SLC12A8: variants seen among roughly 807,000 people sequenced by gnomAD.
SLC12A8 encodes cation-chloride cotransporter 9.
Under a neutral mutation model 75.6 loss-of-function variants are expected in SLC12A8, and 69 were observed. The ratio of observed to expected loss-of-function variants is 0.91; its 90% CI spans 0.75 to 1.11. The LOEUF is 1.11. SLC12A8 is among the 50% of genes most tolerant of loss of function. SLC12A8 has a pLI of 0.00. For missense variants in SLC12A8, 877 were observed against 896.7 expected, an observed-to-expected ratio of 0.98 and a Z score of 0.28; for synonymous variants, 365 against 372.8, an observed-to-expected ratio of 0.98 and a Z score of 0.24.
chr3:125,100,379 G>C (rs1452749558), intron 10 of SLC12A8, among the ~76,000 whole-genome samples: 1 of 151,716 alleles, frequency 6.6e-6, no homozygotes, highest in Non-Finnish European at 1.5e-5. Context: ...AATTTTTATA[G>C]CTTAATAGAT....
chr3:125,128,230 G>C (rs1933260276), intron 6 of SLC12A8, among the ~76,000 whole-genome samples: 1 of 136,234 alleles, frequency 7.3e-6, no homozygotes, highest in Admixed American at 7.9e-5. Flanking sequence ...GCCCAGGCTG[G>C]AGTGCAGTGG....
chr3:125,176,470 C>T (rs183473334), intron 5 of SLC12A8, among the ~76,000 whole-genome samples: 65 of 152,260 alleles, frequency 4.3e-4, no homozygotes, highest in Middle Eastern at 6.8e-3. Flanking sequence ...CCAAAATTGA[C>T]AAATGGGATA....
chr3:125,093,003 G>A (rs146131497), intron 10 of SLC12A8, among the ~76,000 whole-genome samples: 43 of 152,100 alleles, frequency 2.8e-4, no homozygotes, highest in African/African-American at 9.9e-4. Context: ...CTACCTTTCC[G>A]AGTCTCCAAA....
intron 5 of SLC12A8, among the ~76,000 whole-genome samples, chr3:125,166,050 C>T (rs1466024556): frequency 6.6e-6 from 1 of 152,190 alleles, no homozygotes; most frequent in Non-Finnish European, 1.5e-5. Flanking sequence ...ATGGCTCTTT[C>T]CGCTTCCAAA....
At chr3:125,174,769 G>A (rs1385778266) in intron 5 of SLC12A8, among the ~76,000 whole-genome samples, 1 of 152,172 alleles carries the variant, frequency 6.6e-6, no homozygotes, top group African/African-American at 2.4e-5. Flanking sequence ...TCTGGAAAAG[G>A]CAAAACTATG....
chr3:125,190,447 C>G lies in SLC12A8; in HGVS notation c.126G>C (p.Trp42Cys). 6.2e-7 allele frequency: 1 copy of G among 1,614,196 alleles called. No individual in the cohort carries two copies. Among genetic ancestry groups the G allele is most frequent in the Non-Finnish European group, 8.5e-7 (1 of 1,180,042 alleles). The change falls in exon 3 of 14, where the codon TGG becomes TGC. Residue 42 changes from tryptophan to cysteine, a missense_variant. Transcript: ENST00000469902. ...FMWEPVLFGT[W>C]DGVFTSCMIN... ...TCATGCAGGATGTGAACACACCATC[C>G]CAGGTCCCAAACAGCACAGGCTCCC...
chr3:125,117,515 G>T (rs1281455529), intron 8 of SLC12A8, among the ~76,000 whole-genome samples: 7 of 151,884 alleles, frequency 4.6e-5, no homozygotes, highest in Admixed American at 2.6e-4. Context: ...AGAATCACCT[G>T]AGCCCTGGAA....
chr3:125,104,159 G>A (rs1296943292), intron 10 of SLC12A8, among the ~76,000 whole-genome samples: 1 of 152,128 alleles, frequency 6.6e-6, no homozygotes, highest in East Asian at 1.9e-4. Flanking sequence ...AGGCTGGAGT[G>A]CGGTGGAGTG....
intron 5 of SLC12A8, among the ~76,000 whole-genome samples, chr3:125,157,367 A>G (rs1934072032): frequency 1.3e-5 from 2 of 152,214 alleles, no homozygotes; most frequent in African/African-American, 2.4e-5. Context: ...ATAAGTGAAA[A>G]ATAACGGCTG....
chr3:125,125,429 C>T (rs904832417), intron 6 of SLC12A8, among the ~76,000 whole-genome samples: 1 of 152,010 alleles, frequency 6.6e-6, no homozygotes, highest in Non-Finnish European at 1.5e-5. Context: ...CATGGTGGCA[C>T]GCACCTGTAG....
chr3:125,203,221 G>GA lies in SLC12A8; in HGVS notation c.51+8077dup, dbSNP rs550101612. 3.5e-3 allele frequency among the ~76,000 whole-genome samples: 473 copies of GA among 135,616 alleles called. 1 individual carries two copies. The highest frequency in any genetic ancestry group is 4.1e-3 in the Non-Finnish European group (258 of 62,606). The allele number at this position is 135,616 out of a possible 152,430, so 89.0% of individuals were successfully genotyped here. A position where few individuals can be genotyped will look rare whatever the true frequency, so the allele number is the denominator to read the frequency against. Reference sequence around the variant, plus strand: ...ACCAATGACATTGTTCACATAAATAGAAAAAAAAAACCCTAAAATTTGTAT... The same window carrying GA: ...ACCAATGACATTGTTCACATAAATAGAAAAAAAAAAACCCTAAAATTTGTAT... On this transcript the variant is annotated intron_variant, in intron 2 of 13. Coordinates refer to ENST00000469902, the MANE Select transcript of SLC12A8 (RefSeq NM_024628.6).
At chr3:125,093,032 T>C (rs1938624953) in intron 10 of SLC12A8, among the ~76,000 whole-genome samples, 1 of 152,132 alleles carries the variant, frequency 6.6e-6, no homozygotes, top group Non-Finnish European at 1.5e-5. Flanking sequence ...CTCCACAATC[T>C]ATGTCAATGT....
intron 5 of SLC12A8, among the ~76,000 whole-genome samples, chr3:125,159,957 A>G (rs1934132482): frequency 6.6e-6 from 1 of 152,126 alleles, no homozygotes; most frequent in South Asian, 2.1e-4. Flanking sequence ...TACTGGTAAT[A>G]TTCTTTCTTT....
At chr3:125,182,145 C>G (rs1338814677) in intron 4 of SLC12A8, among the ~76,000 whole-genome samples, 2 of 152,248 alleles carry the variant, frequency 1.3e-5, no homozygotes, top group African/African-American at 4.8e-5. Context: ...GGTAACATGT[C>G]AAAACTTTGT....
intron 6 of SLC12A8, among the ~76,000 whole-genome samples, chr3:125,130,279 G>A: frequency 6.6e-6 from 1 of 152,120 alleles, no homozygotes; most frequent in South Asian, 2.1e-4. Context: ...GAGGCTTTTA[G>A]TATCATTATC....
chr3:125,200,859 T>C (rs1560085025), intron 2 of SLC12A8, among the ~76,000 whole-genome samples: 1 of 152,356 alleles, frequency 6.6e-6, no homozygotes, highest in South Asian at 2.1e-4. Flanking sequence ...AGACTCATGG[T>C]AGAGCAGGAA....
At chr3:125,130,578 C>T (rs1363332279) in intron 6 of SLC12A8, among the ~76,000 whole-genome samples, 3 of 145,634 alleles carry the variant, frequency 2.1e-5, no homozygotes, top group Non-Finnish European at 4.5e-5. Flanking sequence ...GGTGACAGAG[C>T]GAGACCCTGT....
intron 5 of SLC12A8, among the ~76,000 whole-genome samples, chr3:125,141,494 C>A (rs1002210755): frequency 6.6e-6 from 1 of 152,238 alleles, no homozygotes; most frequent in African/African-American, 2.4e-5. Flanking sequence ...CCTGGGTAGG[C>A]GGCTGCTAGG....
At chr3:125,145,890 C>T (rs894523566) in intron 5 of SLC12A8, among the ~76,000 whole-genome samples, 38 of 152,188 alleles carry the variant, frequency 2.5e-4, no homozygotes, top group Non-Finnish European at 8.8e-5. Context: ...TGCAGTGGCA[C>T]GATCACGGCT....
Sources: gnomAD v4.1 joint callset for allele counts (sites outside exome capture counted in the v4.1 genomes callset) on GRCh38, gnomAD v4.1.1 for gene constraint, MANE v1.5 for transcripts, NCBI Gene and HGNC (gene_info 2026-07-23, HGNC 2026-07-21) for gene names.